The following CDH13 variants were observed in gnomAD, a reference collection of about 807,000 sequenced individuals.
The protein encoded by CDH13 is cadherin 13, also known as cadherin-13.
In CDH13, 24 loss-of-function variants were observed where a neutral mutation model predicts 63.8. That is an observed-to-expected ratio of 0.38 (90% CI 0.27 to 0.53). CDH13 has a LOEUF of 0.53. CDH13 is among the 20% of genes least tolerant of loss of function. The probability of loss-of-function intolerance (pLI) is 0.85; values close to 1 mark genes in which losing one functional copy is unlikely to be tolerated. For synonymous variants in CDH13, 503 were observed against 355.3 expected (o/e 1.42, Z -4.67); for missense variants, 1,049 against 903.1 (o/e 1.16, Z -2.07).
intron 5 of CDH13, among the ~76,000 whole-genome samples, chr16:83,303,136 A>G (rs1042427166): frequency 2.6e-5 from 4 of 152,226 alleles, no homozygotes; most frequent in Non-Finnish European, 5.9e-5. Flanking sequence ...GGAAAAGAGA[A>G]TTTCCTATGT....
At chr16:83,496,640 C>G (rs1167868050) in intron 7 of CDH13, among the ~76,000 whole-genome samples, 1 of 152,140 alleles carries the variant, frequency 6.6e-6, no homozygotes, top group Non-Finnish European at 1.5e-5. Flanking sequence ...GCAATGGCAA[C>G]AAAAGACAAA....
intron 2 of CDH13, among the ~76,000 whole-genome samples, chr16:82,887,563 G>C (rs2040934673): frequency 6.6e-6 from 1 of 152,192 alleles, no homozygotes; most frequent in African/African-American, 2.4e-5. Flanking sequence ...GCTCACGCCT[G>C]TAATCCCAGC....
At chr16:83,030,640 TAAAA>T (rs35207887) in intron 2 of CDH13, among the ~76,000 whole-genome samples, 47 of 92,896 alleles carry the variant, frequency 5.1e-4, no homozygotes, top group African/African-American at 1.9e-3. Flanking sequence ...AAGACTCTGT[TAAAA>T]AAAAAAAAAA....
At chr16:82,948,985 AACATC>A (rs1905022935) in intron 2 of CDH13, among the ~76,000 whole-genome samples, 1 of 152,202 alleles carries the variant, frequency 6.6e-6, no homozygotes, top group Non-Finnish European at 1.5e-5. Flanking sequence ...AGTGACTGTA[AACATC>A]TTTCAACTCT....
Position 82,627,073 on chromosome 16 carries a change from G to C in CDH13, c.-20G>C, listed in dbSNP as rs1292380381. On this transcript the variant is annotated 5_prime_UTR_variant, in exon 1 of 14. Coordinates refer to ENST00000567109, the MANE Select transcript of CDH13 (RefSeq NM_001257.5). The stretch of plus-strand genomic sequence containing the variant: ...GCGTGCATGAATGAAAACGCCGCCG[G>C]GCGCTTCTAGTCGGACAAAATGCAG... 1.5e-5 allele frequency: 24 copies of C among 1,590,896 alleles called. No individual in the cohort carries two copies. Among genetic ancestry groups the C allele is most frequent in the Non-Finnish European group, 1.7e-5 (20 of 1,168,832 alleles).
intron 5 of CDH13, among the ~76,000 whole-genome samples, chr16:83,296,586 A>T (rs975265605): frequency 1.3e-5 from 2 of 152,224 alleles, no homozygotes; most frequent in African/African-American, 4.8e-5. Flanking sequence ...ATCTGCATGT[A>T]CCCTTGTGGC....
chr16:83,659,709 A>G (rs76774699), intron 8 of CDH13, among the ~76,000 whole-genome samples: 1 of 151,992 alleles, frequency 6.6e-6, no homozygotes, highest in Non-Finnish European at 1.5e-5. Context: ...CTTTTCTCAG[A>G]TAAGTGAACT....
At chr16:82,924,332 C>G (rs1290306334) in intron 2 of CDH13, among the ~76,000 whole-genome samples, 1 of 152,104 alleles carries the variant, frequency 6.6e-6, no homozygotes, top group African/African-American at 2.4e-5. Context: ...TCCCCCTCCT[C>G]CAATTCGTAA....
intron 6 of CDH13, among the ~76,000 whole-genome samples, chr16:83,370,793 G>A (rs1425108956): frequency 6.6e-6 from 1 of 152,132 alleles, no homozygotes; most frequent in African/African-American, 2.4e-5. Context: ...CACTGCAAAG[G>A]ACATGATCTT....
chr16:82,833,813 GGT>G (rs2151118355), intron 1 of CDH13, among the ~76,000 whole-genome samples: 1 of 152,298 alleles, frequency 6.6e-6, no homozygotes, highest in Admixed American at 6.5e-5. Flanking sequence ...GAGGGAAAAC[GGT>G]GTGTGGCTAC....
chr16:83,263,200 G>T (rs900031978), intron 5 of CDH13, among the ~76,000 whole-genome samples: 1 of 152,214 alleles, frequency 6.6e-6, no homozygotes, highest in African/African-American at 2.4e-5. Context: ...AGTGATACAG[G>T]TGTTTTCATA....
At chr16:82,864,709 T>C (rs906071347) in intron 2 of CDH13, among the ~76,000 whole-genome samples, 16 of 152,150 alleles carry the variant, frequency 1.1e-4, no homozygotes, top group Non-Finnish European at 7.3e-5. Context: ...AGCCAGACCA[T>C]GTTATTCCGC....
intron 2 of CDH13, among the ~76,000 whole-genome samples, chr16:82,947,036 G>A (rs971168881): frequency 6.6e-6 from 1 of 151,458 alleles, no homozygotes; most frequent in African/African-American, 2.4e-5. Flanking sequence ...GTGTGTGTGT[G>A]TGTGTGTGTG....
intron 10 of CDH13, among the ~76,000 whole-genome samples, chr16:83,700,007 C>T (rs1477914308): frequency 6.6e-6 from 1 of 152,182 alleles, no homozygotes; most frequent in African/African-American, 2.4e-5. Context: ...ACGCTATCAC[C>T]GTGATCTAGA....
At chr16:83,121,806 C>A (rs1184530199) in intron 3 of CDH13, among the ~76,000 whole-genome samples, 2 of 152,130 alleles carry the variant, frequency 1.3e-5, no homozygotes, top group South Asian at 2.1e-4. Context: ...ATAAAGCTCT[C>A]GATAAATGAA....
intron 4 of CDH13, among the ~76,000 whole-genome samples, chr16:83,155,917 C>A (rs2037189224): frequency 6.6e-6 from 1 of 152,200 alleles, no homozygotes; most frequent in Non-Finnish European, 1.5e-5. Context: ...CCAGATGCAC[C>A]CCAATTGCCA....
intron 1 of CDH13, among the ~76,000 whole-genome samples, chr16:82,831,360 A>T (rs1198009425): frequency 6.6e-6 from 1 of 152,078 alleles, no homozygotes; most frequent in East Asian, 1.9e-4. Context: ...AGCTTGGTTG[A>T]TTATCTAAGA....
At chr16:83,738,838 G>A (rs1052589174) in intron 10 of CDH13, among the ~76,000 whole-genome samples, 15 of 152,280 alleles carry the variant, frequency 9.9e-5, no homozygotes, top group Admixed American at 2.6e-4. Flanking sequence ...CCCAGGAGGC[G>A]GAGGTTGCGG....
chr16:82,632,976 A>T (rs112990784), intron 1 of CDH13, among the ~76,000 whole-genome samples: 1 of 152,156 alleles, frequency 6.6e-6, no homozygotes, highest in South Asian at 2.1e-4. Context: ...TCCAACTCCT[A>T]TGAAAATCCA....
Sources: gnomAD v4.1 joint callset for allele counts (sites outside exome capture counted in the v4.1 genomes callset) on GRCh38, gnomAD v4.1.1 for gene constraint, MANE v1.5 for transcripts, NCBI Gene and HGNC (gene_info 2026-07-23, HGNC 2026-07-21) for gene names.